The following TMEM38B variants were observed in gnomAD, a reference collection of about 807,000 sequenced individuals.
TMEM38B encodes the protein trimeric intracellular cation channel type B.
TMEM38B carries 24 observed loss-of-function variants against 28.7 expected under a neutral mutation model. The observed-to-expected ratio is 0.84, with a 90% CI of 0.61 to 1.18. The LOEUF is 1.18. TMEM38B is among the 50% of genes most tolerant of loss of function. The pLI is 0.00. For missense variants in TMEM38B, 380 were observed against 350.9 expected, an observed-to-expected ratio of 1.08 and a Z score of -0.66; for synonymous variants, 131 against 127.7, an observed-to-expected ratio of 1.03 and a Z score of -0.17.
At chr9:105,769,100 G>C (rs1826464543) in intron 5 of TMEM38B, among the ~76,000 whole-genome samples, 1 of 152,154 alleles carries the variant, frequency 6.6e-6, no homozygotes, top group Non-Finnish European at 1.5e-5. Flanking sequence ...TGGTATGCCT[G>C]ATATATAACA....
At chr9:105,716,163 C>G (rs1407653056) in intron 2 of TMEM38B, among the ~76,000 whole-genome samples, 1 of 152,010 alleles carries the variant, frequency 6.6e-6, no homozygotes, top group Non-Finnish European at 1.5e-5. Context: ...TGATTCTTCC[C>G]AGTTTCTTCT....
chr9:105,700,311 C>T (rs913370025), intron 1 of TMEM38B, among the ~76,000 whole-genome samples: 3 of 152,148 alleles, frequency 2.0e-5, no homozygotes, highest in Admixed American at 6.5e-5. Flanking sequence ...ACTACCTTTT[C>T]TACACAATAA....
Position 105,726,507 on chromosome 9 carries a change from C to G in TMEM38B, c.542+3886C>G, listed in dbSNP as rs572504295. On this transcript the variant is annotated intron_variant, in intron 4 of 5. Coordinates refer to ENST00000374692, the MANE Select transcript of TMEM38B (RefSeq NM_018112.3). ...ATCATCTTCCACCTCCACATCTTGT[C>G]CCACTTGAAGGTCTTAGGGGCAATA... Among the ~76,000 whole-genome samples the G allele has an allele frequency of 5.3e-5, 8 of 152,208 alleles. No homozygotes were observed. In the South Asian group the frequency reaches 1.7e-3, roughly 32 times the overall value.
chr9:105,706,309 T>A (rs1217988564), intron 2 of TMEM38B, among the ~76,000 whole-genome samples: 1 of 152,244 alleles, frequency 6.6e-6, no homozygotes, highest in East Asian at 1.9e-4. Context: ...TTTGTTGTTG[T>A]TGAGACATAG....
At chr9:105,769,007 C>T (rs891463369) in intron 5 of TMEM38B, among the ~76,000 whole-genome samples, 2 of 152,146 alleles carry the variant, frequency 1.3e-5, no homozygotes, top group African/African-American at 4.8e-5. Context: ...TTTAAAGTTG[C>T]ATGGCAAAAG....
intron 4 of TMEM38B, among the ~76,000 whole-genome samples, chr9:105,741,573 T>C (rs1002153763): frequency 6.6e-6 from 1 of 152,178 alleles, no homozygotes; most frequent in African/African-American, 2.4e-5. Context: ...GTTATCCTTG[T>C]TATATTGTGG....
intron 2 of TMEM38B, among the ~76,000 whole-genome samples, chr9:105,711,690 C>G (rs918882110): frequency 2.0e-5 from 3 of 151,056 alleles, no homozygotes; most frequent in African/African-American, 7.3e-5. Flanking sequence ...TGTCGTGACG[C>G]ATGCCTGTAG....
At position 105,773,955 on chromosome 9, in the gene TMEM38B, T is replaced by C. The variant is rs749666459; in HGVS notation, c.751T>C (p.Phe251Leu). ...SWMLFGWQQP[F>L]SSCEKKSEAK... is the part of the protein sequence containing the mutation. ...GATGCTATTTGGCTGGCAGCAGCCGTTTTCATCATGTGAGAAGAAAAGTGA... is the reference window on the plus strand; with the variant it reads ...GATGCTATTTGGCTGGCAGCAGCCGCTTTCATCATGTGAGAAGAAAAGTGA... The change falls in exon 6 of 6, where the codon TTT becomes CTT. Residue 251 changes from phenylalanine (F) to leucine (L), a missense_variant. Transcript: ENST00000374692. 6.2e-7 allele frequency: 1 copy of C among 1,613,788 alleles called. No individual in the cohort carries two copies. The highest frequency in any genetic ancestry group is 8.5e-7 in the Non-Finnish European group (1 of 1,179,790).
chr9:105,705,798 G>T, intron 2 of TMEM38B, 45 bp downstream of exon 2: 3 of 1,519,770 alleles, frequency 2.0e-6, no homozygotes, highest in East Asian at 2.3e-5. Flanking sequence ...AAACAATTGT[G>T]TTGTAAATTG....
chr9:105,765,272 A>C (rs890269644), intron 5 of TMEM38B, among the ~76,000 whole-genome samples: 1 of 152,228 alleles, frequency 6.6e-6, no homozygotes, highest in African/African-American at 2.4e-5. Context: ...TTTAATATTT[A>C]TTGACGAAAT....
chr9:105,719,487 G>C (rs1836242248), intron 2 of TMEM38B, among the ~76,000 whole-genome samples: 1 of 152,174 alleles, frequency 6.6e-6, no homozygotes, highest in Non-Finnish European at 1.5e-5. Context: ...TATAGAGCAG[G>C]AATGGTTGTT....
chr9:105,763,481 G>A lies in TMEM38B; in HGVS notation c.661-10384G>A, dbSNP rs1322074155. ...CTATGCAAATAAACTAGAAAATCTA[G>A]AAGAAATGGATAAATTCCTCGACAC... On this transcript the variant is annotated intron_variant, in intron 5 of 5. Coordinates refer to ENST00000374692, the MANE Select transcript of TMEM38B (RefSeq NM_018112.3). Among the ~76,000 whole-genome samples, 4 of 152,248 alleles carry A rather than the reference G, an allele frequency of 2.6e-5. No individual in the cohort carries two copies. In the South Asian group the frequency reaches 6.2e-4, roughly 24 times the overall value.
At chr9:105,755,602 C>A (rs1485370434) in intron 5 of TMEM38B, among the ~76,000 whole-genome samples, 29 of 152,256 alleles carry the variant, frequency 1.9e-4, no homozygotes, top group Non-Finnish European at 1.5e-5. Flanking sequence ...GCAAAGAAGC[C>A]AGCTCTTATT....
At chr9:105,732,259 G>T (rs1048869829) in intron 4 of TMEM38B, among the ~76,000 whole-genome samples, 10 of 152,156 alleles carry the variant, frequency 6.6e-5, no homozygotes, top group Non-Finnish European at 1.5e-4. Flanking sequence ...TCTGTAGGTT[G>T]CCTGTTCACT....
intron 5 of TMEM38B, among the ~76,000 whole-genome samples, chr9:105,763,817 A>C (rs939153213): frequency 2.8e-4 from 42 of 151,834 alleles, no homozygotes; most frequent in Admixed American, 1.9e-3. Flanking sequence ...ATGAACATTG[A>C]TGCAAAAATC....
chr9:105,751,394 A>T (rs967549628), intron 5 of TMEM38B, among the ~76,000 whole-genome samples: 2 of 152,196 alleles, frequency 1.3e-5, no homozygotes, highest in African/African-American at 4.8e-5. Context: ...AGGAAATCCC[A>T]TCGTGAGCCC....
chr9:105,734,320 A>C (rs983964122), intron 4 of TMEM38B, among the ~76,000 whole-genome samples: 1 of 152,072 alleles, frequency 6.6e-6, no homozygotes, highest in Admixed American at 6.6e-5. Context: ...ATGTGACTTT[A>C]ATATTATTAA....
intron 4 of TMEM38B, among the ~76,000 whole-genome samples, chr9:105,746,087 C>T (rs546367915): frequency 6.6e-6 from 1 of 152,262 alleles, no homozygotes; most frequent in East Asian, 1.9e-4. Flanking sequence ...TACATATGAA[C>T]TTTAAAGTAG....
At chr9:105,764,543 T>G (rs934218346) in intron 5 of TMEM38B, among the ~76,000 whole-genome samples, 1 of 152,132 alleles carries the variant, frequency 6.6e-6, no homozygotes, top group African/African-American at 2.4e-5. Context: ...AAGGACCTCT[T>G]CAAGGAGAAC....
Sources: gnomAD v4.1 joint callset for allele counts (sites outside exome capture counted in the v4.1 genomes callset) on GRCh38, gnomAD v4.1.1 for gene constraint, MANE v1.5 for transcripts, NCBI Gene and HGNC (gene_info 2026-07-23, HGNC 2026-07-21) for gene names.